The following PUM1 variants were observed in gnomAD, a reference collection of about 807,000 sequenced individuals.
PUM1 encodes pumilio RNA binding family member 1.
PUM1 carries 13 observed loss-of-function variants against 131.8 expected under a neutral mutation model. The observed-to-expected ratio is 0.10, with a 90% CI of 0.06 to 0.16. The LOEUF (loss-of-function observed/expected upper bound fraction) is 0.16, where lower values mean the gene tolerates loss of function less well. PUM1 is among the 10% of genes least tolerant of loss of function. The probability of loss-of-function intolerance (pLI) is 1.00; values close to 1 mark genes in which losing one functional copy is unlikely to be tolerated. For missense variants in PUM1, 961 were observed against 1,512.4 expected (o/e 0.64, Z 6.05); for synonymous variants, 509 against 556.5 (o/e 0.91, Z 1.20).
intron 9 of PUM1, among the ~76,000 whole-genome samples, chr1:30,975,768 A>C (rs1293462105): frequency 1.3e-5 from 2 of 152,078 alleles, no homozygotes; most frequent in Non-Finnish European, 2.9e-5. Flanking sequence ...AAAAAATACA[A>C]CACCTTGACT....
At chr1:31,021,873 T>C (rs1226791042) in intron 3 of PUM1, among the ~76,000 whole-genome samples, 1 of 151,896 alleles carries the variant, frequency 6.6e-6, no homozygotes, top group Non-Finnish European at 1.5e-5. Flanking sequence ...AACTCAGGAT[T>C]TGAGTTATAA....
intron 2 of PUM1, among the ~76,000 whole-genome samples, chr1:31,047,912 A>G (rs1454815954): frequency 6.6e-6 from 1 of 151,980 alleles, no homozygotes; most frequent in Non-Finnish European, 1.5e-5. Flanking sequence ...ACTGCACTAT[A>G]CAGCCTGGGC....
In PUM1 at chr1:31,059,282, T is replaced by A. The variant is rs1423043947; in HGVS notation, c.285A>T (p.Gly95=). ...TATAGCCGCCTCCTCCACTTCCTCC[T>A]CCCCCAAGCTGCTCACCATGCTGCC... The part of the protein sequence containing the change: ...FQRQHGEQLG[G]GGSGGGGYNN... Residue 95 remains glycine (G), a synonymous_variant, in exon 2 of 22, where the codon GGA becomes GGT. Transcript: ENST00000426105. 3 of 1,613,656 alleles carry A rather than the reference T, an allele frequency of 1.9e-6. No homozygotes were observed. Among genetic ancestry groups the A allele is most frequent in the African/African-American group, 2.7e-5 (2 of 74,854 alleles).
chr1:31,044,058 T>C lies in PUM1; in HGVS notation c.363+15146A>G, dbSNP rs141907328. Among the ~76,000 whole-genome samples, 64 of 152,208 alleles carry C rather than the reference T, an allele frequency of 4.2e-4. 1 individual carries two copies. In the East Asian group the frequency reaches 0.012, roughly 28 times the overall value. ...GAAGAAAAAAAGGCCCATCAACTGA[T>C]AAATGGATAAATTAAATGTGGCAGA... On this transcript the variant is annotated intron_variant, in intron 2 of 21. Coordinates refer to ENST00000426105, the MANE Select transcript of PUM1 (RefSeq NM_001020658.2).
chr1:31,004,905 TA>T lies in PUM1; in HGVS notation c.720+947del, dbSNP rs1412178454. ...TGCTGTTCTTTCCCACAAATTACAT[TA>T]AAATCTTTTAAATGACTGTTTTCAG... On this transcript the variant is annotated intron_variant, in intron 5 of 21. Coordinates refer to ENST00000426105, the MANE Select transcript of PUM1 (RefSeq NM_001020658.2). Among the ~76,000 whole-genome samples, 5 of 152,190 alleles carry T rather than the reference TA, an allele frequency of 3.3e-5. No homozygotes were observed. In the East Asian group the frequency reaches 5.8e-4, roughly 18 times the overall value.
chr1:31,036,499 C>T (rs1015362292), intron 2 of PUM1, among the ~76,000 whole-genome samples: 11 of 152,134 alleles, frequency 7.2e-5, no homozygotes, highest in Admixed American at 4.6e-4. Context: ...TCACTTGAGG[C>T]GAGGCCAGGA....
At chr1:30,959,260 GA>G (rs1557554960) in intron 14 of PUM1, among the ~76,000 whole-genome samples, 3 of 152,098 alleles carry the variant, frequency 2.0e-5, no homozygotes, top group Admixed American at 6.5e-5. Context: ...GGTACACTTC[GA>G]ATTTCATGCT....
At chr1:31,026,200 G>A (rs940502576) in intron 3 of PUM1, among the ~76,000 whole-genome samples, 1 of 151,612 alleles carries the variant, frequency 6.6e-6, no homozygotes, top group African/African-American at 2.4e-5. Context: ...AGGTTACAGT[G>A]AGCCGAGATT....
At chr1:30,954,037 A>T (rs1252077493) in intron 14 of PUM1, 56 bp from the exon 15 acceptor site, 4 of 1,550,550 alleles carry the variant, frequency 2.6e-6, no homozygotes, top group Non-Finnish European at 3.5e-6. Context: ...TTCATTCAAG[A>T]GAGAAAAAAG....
At chr1:30,965,151 G>C (rs1210956806) in intron 13 of PUM1, among the ~76,000 whole-genome samples, 1 of 152,156 alleles carries the variant, frequency 6.6e-6, no homozygotes. Context: ...GTATATTATA[G>C]GATAAGGGAG....
intron 10 of PUM1, among the ~76,000 whole-genome samples, chr1:30,969,316 C>CAAAAAAAAAAAAAAAAAAAAAAA (rs763999971): frequency 5.9e-5 from 3 of 51,180 alleles, no homozygotes; most frequent in African/African-American, 1.5e-4. Context: ...AACACACACA[C>CAAAAAAAAAAAAAAAAAAAAAAA]AAAAAAAAAA....
In PUM1 at chr1:31,059,583, G is replaced by A. The variant is rs757982767; in HGVS notation, c.-11-6C>T. On this transcript the variant is annotated splice_region_variant and splice_polypyrimidine_tract_variant and intron_variant, in intron 1 of 21. Transcript: ENST00000426105. Reference sequence around the variant, plus strand: ...AACGCTCATTCCACCAACACCTAAGGACAAACAGGTTACAAATATTTAATA... The same window carrying A: ...AACGCTCATTCCACCAACACCTAAGAACAAACAGGTTACAAATATTTAATA... 2 of 1,578,752 alleles carry A rather than the reference G, an allele frequency of 1.3e-6. No homozygotes were observed. Among genetic ancestry groups the A allele is most frequent in the Non-Finnish European group, 1.7e-6 (2 of 1,164,164 alleles).
chr1:30,941,408 A>G (rs1639434651), intron 19 of PUM1, 136 bp from the exon 20 acceptor site: 4 of 843,568 alleles, frequency 4.7e-6, no homozygotes, highest in Non-Finnish European at 1.7e-6. Context: ...TGAACACACA[A>G]TTTTTAAGAC....
At chr1:31,010,627 T>C (rs1331877744) in intron 3 of PUM1, among the ~76,000 whole-genome samples, 5 of 152,150 alleles carry the variant, frequency 3.3e-5, no homozygotes, top group African/African-American at 4.8e-5. Flanking sequence ...TACACACAAT[T>C]AAGAACTGAG....
At chr1:31,051,912 T>A (rs1220513300) in intron 2 of PUM1, among the ~76,000 whole-genome samples, 1 of 152,068 alleles carries the variant, frequency 6.6e-6, no homozygotes, top group Non-Finnish European at 1.5e-5. Context: ...TAAAACACTC[T>A]CAAGTCAAAG....
At chr1:30,957,084 T>TCATA (rs1553145728) in intron 14 of PUM1, among the ~76,000 whole-genome samples, 1 of 50,608 alleles carries the variant, frequency 2.0e-5, no homozygotes, top group Non-Finnish European at 3.7e-5. Flanking sequence ...ACAAGGACAT[T>TCATA]CATACACACA....
intron 2 of PUM1, among the ~76,000 whole-genome samples, chr1:31,032,293 C>T (rs1643456934): frequency 6.6e-6 from 1 of 152,046 alleles, no homozygotes; most frequent in Non-Finnish European, 1.5e-5. Context: ...AAAAGATGCT[C>T]AAGAATCAAG....
intron 3 of PUM1, among the ~76,000 whole-genome samples, chr1:31,010,176 T>C (rs147769346): frequency 6.6e-6 from 1 of 152,236 alleles, no homozygotes; most frequent in African/African-American, 2.4e-5. Context: ...AGAAGCAAAA[T>C]TAGCAAAGCT....
chr1:31,010,526 C>A (rs1209788862), intron 3 of PUM1, among the ~76,000 whole-genome samples: 5 of 152,100 alleles, frequency 3.3e-5, no homozygotes. Flanking sequence ...CCACATGAAG[C>A]CAAGAGAGAG....
Sources: gnomAD v4.1 joint callset for allele counts (sites outside exome capture counted in the v4.1 genomes callset) on GRCh38, gnomAD v4.1.1 for gene constraint, MANE v1.5 for transcripts, NCBI Gene and HGNC (gene_info 2026-07-23, HGNC 2026-07-21) for gene names.